Variants in OTOGL observed in about 807,000 individuals in gnomAD.
OTOGL encodes otogelin like.
OTOGL carries 285 observed loss-of-function variants against 318.5 expected under a neutral mutation model. The ratio of observed to expected loss-of-function variants is 0.89; its 90% CI spans 0.81 to 0.99. OTOGL has a LOEUF of 0.99. Ranked by LOEUF, OTOGL falls within the 50% of genes least tolerant of loss-of-function variation. The pLI is 0.00. For missense variants in OTOGL, 2,899 were observed against 2,845.6 expected, an observed-to-expected ratio of 1.02 and a Z score of -0.43; for synonymous variants, 987 against 936.5, an observed-to-expected ratio of 1.05 and a Z score of -0.99.
At chr12:80,221,619 C>A (rs564503383) in intron 6 of OTOGL, among the ~76,000 whole-genome samples, 7 of 151,992 alleles carry the variant, frequency 4.6e-5, no homozygotes, top group Admixed American at 4.6e-4. Context: ...AGGTCCCAGA[C>A]ACGTAAATAT....
chr12:80,105,103 C>A (rs1426680587), intron 1 of OTOGL, among the ~76,000 whole-genome samples: 1 of 151,640 alleles, frequency 6.6e-6, no homozygotes, highest in African/African-American at 2.4e-5. Context: ...AACTCCGTCT[C>A]AAAAACAAAA....
At chr12:80,323,989 G>C in intron 35 of OTOGL, 149 bp downstream of exon 35, 3 of 663,188 alleles carry the variant, frequency 4.5e-6, no homozygotes, top group Admixed American at 2.8e-5. Context: ...AAATCAAGAA[G>C]TAGTTATTGA....
chr12:80,205,670 T>A (rs186150417), intron 1 of OTOGL, among the ~76,000 whole-genome samples: 15 of 152,322 alleles, frequency 9.8e-5, no homozygotes, highest in Admixed American at 9.2e-4. Context: ...AAATTCTGGA[T>A]AAAATCTATG....
chr12:80,366,732 A>T, intron 53 of OTOGL, 95 bp downstream of exon 53: 1 of 389,048 alleles, frequency 2.6e-6, no homozygotes, highest in Non-Finnish European at 4.0e-6. Context: ...TTTTTGAGAC[A>T]CATACATTTT....
At chr12:80,204,083 C>G (rs530435082) in intron 1 of OTOGL, among the ~76,000 whole-genome samples, 1 of 152,264 alleles carries the variant, frequency 6.6e-6, no homozygotes, top group South Asian at 2.1e-4. Flanking sequence ...CAGTAAGACT[C>G]TAATTCACGC....
chr12:80,101,808 C>T (rs563643351), intron 1 of OTOGL, among the ~76,000 whole-genome samples: 30 of 152,118 alleles, frequency 2.0e-4, no homozygotes, highest in Non-Finnish European at 4.0e-4. Context: ...TGAGCCCACA[C>T]CATACCTGTA....
Position 80,232,968 on chromosome 12 carries a change from G to C in OTOGL, c.688G>C (p.Gly230Arg). ...CTACATTCTTGTGAAAACAACCTTT[G>C]GCTTTTCATTGGCTTGGGACGGGAT... ...ADYILVKTTFGFSLAWDGISG... is the reference protein window; with the variant it reads ...ADYILVKTTFRFSLAWDGISG... Residue 230 changes from glycine to arginine, a missense_variant, in exon 9 of 59, where the codon GGC (glycine) becomes CGC (arginine). Physicochemically the swap from Gly to Arg is moderately radical, Grantham distance 125 (BLOSUM62 -2). Around this residue, in one of 3 missense-constraint regions of OTOGL, gnomAD observed 2,607 missense variants for 2,524.9 expected, o/e 1.03. Coordinates refer to ENST00000547103, the MANE Select transcript of OTOGL (RefSeq NM_001378609.3). 1 of 1,599,024 alleles carries C rather than the reference G, an allele frequency of 6.3e-7. No homozygotes were observed. Among genetic ancestry groups the C allele is most frequent in the Non-Finnish European group, 8.5e-7 (1 of 1,179,420 alleles).
intron 1 of OTOGL, among the ~76,000 whole-genome samples, chr12:80,119,369 G>A (rs566472495): frequency 2.6e-4 from 39 of 152,298 alleles, no homozygotes; most frequent in African/African-American, 9.1e-4. Flanking sequence ...TTGTTAGCTG[G>A]TCTCCTTGCC....
At chr12:80,340,098 G>A (rs1292271744) in intron 43 of OTOGL, among the ~76,000 whole-genome samples, 1 of 152,212 alleles carries the variant, frequency 6.6e-6, no homozygotes, top group East Asian at 1.9e-4. Flanking sequence ...GTCAATAAAT[G>A]TTGGTTTAGT....
At chr12:80,182,780 G>C (rs2137243086) in intron 1 of OTOGL, among the ~76,000 whole-genome samples, 1 of 152,328 alleles carries the variant, frequency 6.6e-6, no homozygotes, top group South Asian at 2.1e-4. Flanking sequence ...CTGAAGCATA[G>C]GGAGTACACA....
chr12:80,315,313 AT>A (rs1224846119), intron 32 of OTOGL, among the ~76,000 whole-genome samples: 1 of 152,206 alleles, frequency 6.6e-6, no homozygotes, highest in African/African-American at 2.4e-5. Flanking sequence ...ATAAGAACTT[AT>A]TGATACAATA....
At chr12:80,307,862 G>A (rs1223416566) in intron 29 of OTOGL, among the ~76,000 whole-genome samples, 3 of 141,442 alleles carry the variant, frequency 2.1e-5, no homozygotes, top group Non-Finnish European at 4.5e-5. Context: ...CTGGCCGGGC[G>A]GGGGGCTGAC....
chr12:80,103,223 C>A, intron 1 of OTOGL: 1 of 1,455,364 alleles, frequency 6.9e-7, no homozygotes, highest in Non-Finnish European at 9.6e-7. Context: ...TCTGTCTCAG[C>A]TCTTTGGAAA....
chr12:80,148,108 G>C (rs1241335369), intron 1 of OTOGL, among the ~76,000 whole-genome samples: 1 of 151,222 alleles, frequency 6.6e-6, no homozygotes, highest in Non-Finnish European at 1.5e-5. Flanking sequence ...GATGTTAGCT[G>C]GTGATTTTGC....
rs1352479532 is a variant in OTOGL, at chr12:80,257,825, G to A, written c.1712G>A (p.Gly571Asp). ...TSPNQGFNLN[G>D]IVEIQTLSSL... ...ATTTACGTATGTTCTTTTCCTGCAG[G>A]TATTGTTGAAATTCAAACTCTGTCA... is the stretch of plus-strand genomic sequence containing the variant. The change falls in exon 18 of 59, where the codon GGT becomes GAT. Residue 571 changes from glycine (G) to aspartate (D), a missense_variant and splice_region_variant. Coordinates refer to ENST00000547103, the MANE Select transcript of OTOGL (RefSeq NM_001378609.3). 11 of 1,570,502 alleles carry A rather than the reference G, an allele frequency of 7.0e-6. No individual in the cohort carries two copies. Among genetic ancestry groups the A allele is most frequent in the Non-Finnish European group, 8.6e-6 (10 of 1,165,046 alleles).
At chr12:80,272,430 C>T (rs1883486397) in intron 24 of OTOGL, among the ~76,000 whole-genome samples, 1 of 151,084 alleles carries the variant, frequency 6.6e-6, no homozygotes, top group African/African-American at 2.4e-5. Flanking sequence ...AGCATATATT[C>T]TACTCCTATC....
intron 1 of OTOGL, among the ~76,000 whole-genome samples, chr12:80,133,337 T>C (rs930689624): frequency 1.3e-5 from 2 of 152,172 alleles, no homozygotes; most frequent in African/African-American, 4.8e-5. Context: ...CTCCTGAACT[T>C]TAAAATTTTT....
Position 80,222,197 on chromosome 12 carries a change from C to G in OTOGL, c.441C>G (p.Tyr147Ter). 1 of 1,598,334 alleles carries G rather than the reference C, an allele frequency of 6.3e-7. No homozygotes were observed. The highest frequency in any genetic ancestry group is 1.3e-5 in the African/African-American group (1 of 75,018). ...IYYYFPGNCS[Y>*]IFAKDCGDLE... ...ATTACTTCCCAGGAAACTGTTCTTA[C>G]ATTTTTGCAAAGGACTGTGGTGATT... The change falls in exon 7 of 59, where the codon TAC becomes TAG. Residue 147 changes from tyrosine to a stop codon, truncating the protein, a stop_gained. Transcript: ENST00000547103. LOFTEE classifies it high-confidence loss of function.
intron 1 of OTOGL, among the ~76,000 whole-genome samples, chr12:80,204,048 A>G (rs1876642855): frequency 6.6e-6 from 1 of 152,176 alleles, no homozygotes; most frequent in Non-Finnish European, 1.5e-5. Context: ...TTTGGGAGAT[A>G]ATGATAACAA....
Sources: allele counts gnomAD v4.1 joint callset (sites outside exome capture counted in the v4.1 genomes callset), GRCh38; gene constraint gnomAD v4.1.1; regional missense constraint gnomAD v4.1.1; transcripts MANE v1.5; gene names NCBI Gene and HGNC (gene_info 2026-07-23, HGNC 2026-07-21).